Variants in NSUN7 observed in about 807,000 individuals in gnomAD.
NSUN7 encodes the protein protein NSUN7.
A neutral mutation model predicts 58.5 loss-of-function variants in NSUN7; 39 were observed. The observed-to-expected ratio is 0.67, with a 90% CI of 0.52 to 0.87. The LOEUF is 0.87. Among genes scored for constraint, NSUN7 ranks in the 40% least tolerant of loss-of-function variants. The pLI is 0.00. For synonymous variants in NSUN7, 278 were observed against 303.7 expected (o/e 0.92, Z 0.88); for missense variants, 765 against 844.1 (o/e 0.91, Z 1.16).
At chr4:40,768,335 G>T (rs1006957514) in intron 4 of NSUN7, among the ~76,000 whole-genome samples, 7 of 151,752 alleles carry the variant, frequency 4.6e-5, no homozygotes, top group African/African-American at 1.7e-4. Flanking sequence ...CCAAGTAGCT[G>T]GGATTACAGG....
intron 9 of NSUN7, among the ~76,000 whole-genome samples, chr4:40,796,214 C>T (rs559769269): frequency 3.9e-5 from 6 of 152,172 alleles, no homozygotes; most frequent in South Asian, 2.1e-4. Context: ...ATTAGCCGGG[C>T]GTGTTGGCGC....
chr4:40,793,281 A>C (rs1743175909), intron 8 of NSUN7, among the ~76,000 whole-genome samples: 1 of 152,102 alleles, frequency 6.6e-6, no homozygotes, highest in African/African-American at 2.4e-5. Context: ...GTCTCTACTA[A>C]AAATACAAAA....
At chr4:40,800,108 C>T (rs1387730523) in intron 10 of NSUN7, among the ~76,000 whole-genome samples, 1 of 152,192 alleles carries the variant, frequency 6.6e-6, no homozygotes, top group Non-Finnish European at 1.5e-5. Flanking sequence ...GACATTCACT[C>T]TTATAAACCT....
chr4:40,750,588 C>T lies in NSUN7; in HGVS notation c.-91-15C>T. On this transcript the variant is annotated splice_polypyrimidine_tract_variant and intron_variant, in intron 1 of 11. Coordinates refer to ENST00000381782, the MANE Select transcript of NSUN7 (RefSeq NM_024677.6). ...AGAAAGAGTGATTTACTGCAATCAC[C>T]TTCTCTCTTCACAGAGACCATGCTG... 2 of 1,348,608 alleles carry T rather than the reference C, an allele frequency of 1.5e-6. No individual in the cohort carries two copies. The highest frequency in any genetic ancestry group is 1.4e-5 in the South Asian group (1 of 72,422). The allele number at this position is 1,348,608 out of a possible 1,614,324, so 83.5% of individuals were successfully genotyped here. A position where few individuals can be genotyped will look rare whatever the true frequency, so the allele number is the denominator to read the frequency against.
intron 2 of NSUN7, among the ~76,000 whole-genome samples, chr4:40,756,219 G>A (rs181463022): frequency 6.6e-5 from 10 of 152,364 alleles, no homozygotes; most frequent in African/African-American, 2.4e-4. Context: ...TGAGCAGGAA[G>A]AGGGCGAGAG....
intron 4 of NSUN7, among the ~76,000 whole-genome samples, chr4:40,767,439 A>T (rs887416171): frequency 4.6e-5 from 7 of 152,134 alleles, no homozygotes; most frequent in Non-Finnish European, 8.8e-5. Flanking sequence ...TGCACTGTGG[A>T]CTGAGAGACA....
chr4:40,801,120 C>G (rs568817491), intron 10 of NSUN7, among the ~76,000 whole-genome samples: 1 of 152,100 alleles, frequency 6.6e-6, no homozygotes, highest in Non-Finnish European at 1.5e-5. Flanking sequence ...TTTAAGATTT[C>G]TTACCTAAAC....
At chr4:40,756,898 CTG>C (rs1361206003) in intron 2 of NSUN7, among the ~76,000 whole-genome samples, 1 of 152,092 alleles carries the variant, frequency 6.6e-6, no homozygotes, top group Non-Finnish European at 1.5e-5. Context: ...TACAACCATT[CTG>C]TGTTTTACTT....
intron 4 of NSUN7, among the ~76,000 whole-genome samples, chr4:40,763,975 GAGA>G (rs1237931786): frequency 2.0e-5 from 3 of 152,098 alleles, no homozygotes; most frequent in East Asian, 1.9e-4. Context: ...TTGAATTGTG[GAGA>G]AGAATAGTAG....
chr4:40,804,766 C>G lies in NSUN7; in HGVS notation c.1401-2295C>G, dbSNP rs115309001. Among the ~76,000 whole-genome samples the G allele has an allele frequency of 8.5e-4, 130 of 152,226 alleles. 1 individual carries two copies. Among genetic ancestry groups the G allele is most frequent in the African/African-American group, 2.8e-3 (118 of 41,544 alleles). ...TGGTCTTAGTACTCATTATGGTCAT[C>G]AGTATCTGCACATGCCTGGCTTCTG... On this transcript the variant is annotated intron_variant, in intron 10 of 11. Transcript: ENST00000381782.
chr4:40,805,744 C>T (rs576463767), intron 10 of NSUN7, among the ~76,000 whole-genome samples: 7 of 152,272 alleles, frequency 4.6e-5, no homozygotes, highest in Admixed American at 6.5e-5. Flanking sequence ...CTCCTGGGGC[C>T]TGTGCTGGAG....
At chr4:40,762,084 C>T (rs1057385309) in intron 4 of NSUN7, among the ~76,000 whole-genome samples, 4 of 152,192 alleles carry the variant, frequency 2.6e-5, no homozygotes, top group Admixed American at 6.5e-5. Context: ...GGTTTGCTCT[C>T]TTGTGCTTTT....
chr4:40,770,815 G>A (rs530065581), intron 4 of NSUN7, among the ~76,000 whole-genome samples: 21 of 152,334 alleles, frequency 1.4e-4, no homozygotes, highest in Admixed American at 9.8e-4. Flanking sequence ...CACTTTGGGA[G>A]GCCAAGGTGG....
In NSUN7 at chr4:40,762,164, G is replaced by C. The variant is rs191020362; in HGVS notation, c.488+863G>C. 3.2e-3 allele frequency among the ~76,000 whole-genome samples: 485 copies of C among 152,220 alleles called. 2 individuals are homozygous for C. Among genetic ancestry groups the C allele is most frequent in the Non-Finnish European group, 5.6e-3 (384 of 68,002 alleles). The stretch of plus-strand genomic sequence containing the variant: ...CACCAAATGCCAGCACCTTGATTTT[G>C]GACTTCTCAGCCTCCAGAACTGTGA... On this transcript the variant is annotated intron_variant, in intron 4 of 11. Coordinates refer to ENST00000381782, the MANE Select transcript of NSUN7 (RefSeq NM_024677.6).
intron 10 of NSUN7, among the ~76,000 whole-genome samples, chr4:40,802,176 G>A (rs1043269256): frequency 7.2e-5 from 11 of 152,074 alleles, no homozygotes; most frequent in Non-Finnish European, 1.3e-4. Flanking sequence ...CTTGGCCCCC[G>A]TTCCCCTTTG....
intron 2 of NSUN7, among the ~76,000 whole-genome samples, chr4:40,752,506 C>T (rs1184717568): frequency 2.0e-5 from 3 of 152,144 alleles, no homozygotes; most frequent in East Asian, 1.9e-4. Context: ...CTGCAAGCTC[C>T]GCCTCCTGGG....
At chr4:40,795,792 G>A (rs115650820) in intron 9 of NSUN7, among the ~76,000 whole-genome samples, 38 of 152,184 alleles carry the variant, frequency 2.5e-4, no homozygotes, top group Non-Finnish European at 8.8e-5. Flanking sequence ...TCTGTCATGG[G>A]ATTAGAGTAA....
chr4:40,759,075 C>T lies in NSUN7; in HGVS notation c.299-1359C>T, dbSNP rs188569898. Among the ~76,000 whole-genome samples the T allele has an allele frequency of 4.6e-5, 7 of 152,202 alleles. No homozygotes were observed. The East Asian group carries it at 1.4e-3, about 29-fold the overall frequency. On this transcript the variant is annotated intron_variant, in intron 2 of 11. Coordinates refer to ENST00000381782, the MANE Select transcript of NSUN7 (RefSeq NM_024677.6). ...CTCTAATCCCAGCACTTTGGGAGGC[C>T]GAGGTGGGCAGATCACCTGAGGTCA...
At chr4:40,750,411 G>A (rs989001091) in intron 1 of NSUN7, 111 bp downstream of exon 1, 7 of 393,586 alleles carry the variant, frequency 1.8e-5, no homozygotes, top group Non-Finnish European at 3.3e-5. Flanking sequence ...TCTCCTTGGG[G>A]CTCTTCTCCC....
Sources: gnomAD v4.1 joint callset for allele counts (sites outside exome capture counted in the v4.1 genomes callset) on GRCh38, gnomAD v4.1.1 for gene constraint, MANE v1.5 for transcripts, NCBI Gene and HGNC (gene_info 2026-07-23, HGNC 2026-07-21) for gene names.